The following CD247 variants were observed in gnomAD, a reference collection of about 807,000 sequenced individuals.
CD247 encodes T-cell surface glycoprotein CD3 zeta chain.
A neutral mutation model predicts 30.0 loss-of-function variants in CD247; 13 were observed. That is an observed-to-expected ratio of 0.43 (90% CI 0.28 to 0.69). The LOEUF is 0.69. Ranked by LOEUF, CD247 falls within the 30% of genes least tolerant of loss-of-function variation. CD247 has a pLI of 0.16. For synonymous variants in CD247, 72 were observed against 80.0 expected (o/e 0.90, Z 0.53); for missense variants, 193 against 212.6 (o/e 0.91, Z 0.57).
intron 1 of CD247, among the ~76,000 whole-genome samples, chr1:167,467,120 G>A (rs985326638): frequency 1.3e-5 from 2 of 152,028 alleles, no homozygotes; most frequent in African/African-American, 4.8e-5. Flanking sequence ...TTACAGGCGT[G>A]AGCCACCGCG....
chr1:167,498,848 G>C (rs748096467), intron 1 of CD247, among the ~76,000 whole-genome samples: 1 of 152,148 alleles, frequency 6.6e-6, no homozygotes, highest in Non-Finnish European at 1.5e-5. Flanking sequence ...GCGGACACAA[G>C]AGGCACTTGC....
intron 1 of CD247, among the ~76,000 whole-genome samples, chr1:167,443,096 T>A (rs1411433125): frequency 6.6e-6 from 1 of 152,152 alleles, no homozygotes; most frequent in Non-Finnish European, 1.5e-5. Flanking sequence ...TCCCACCACC[T>A]GAGCCCCTGA....
At chr1:167,492,274 C>A (rs956739235) in intron 1 of CD247, among the ~76,000 whole-genome samples, 2 of 152,110 alleles carry the variant, frequency 1.3e-5, no homozygotes. Flanking sequence ...TGTGAAGGAC[C>A]AGGAGAGCCG....
intron 1 of CD247, among the ~76,000 whole-genome samples, chr1:167,496,602 C>T (rs556252060): frequency 2.1e-4 from 32 of 152,272 alleles, no homozygotes; most frequent in Admixed American, 1.3e-3. Flanking sequence ...GGAACCTAGA[C>T]GATCTCTGGC....
chr1:167,431,311 G>A lies in CD247; in HGVS notation c.*370C>T, dbSNP rs954275542. On this transcript the variant is annotated 3_prime_UTR_variant, in exon 8 of 8. Transcript: ENST00000362089. ...GACACAGAGTGATACAGACATTAGGGCATGTGCTAGCATCTGCGCTTTCTC... is the reference window on the plus strand; with the variant it reads ...GACACAGAGTGATACAGACATTAGGACATGTGCTAGCATCTGCGCTTTCTC... The A allele has an allele frequency of 5.2e-6, 3 of 582,014 alleles. No individual in the cohort carries two copies. In the African/African-American group the frequency reaches 5.6e-5, roughly 11 times the overall value. 36.1% of individuals were successfully genotyped at this position (582,014 alleles called of 1,614,324 possible). A position where few individuals can be genotyped will look rare whatever the true frequency, so the allele number is the denominator to read the frequency against.
chr1:167,507,832 T>A (rs1027058354), intron 1 of CD247, among the ~76,000 whole-genome samples: 2 of 120,164 alleles, frequency 1.7e-5, no homozygotes, highest in East Asian at 6.2e-4. Context: ...GGAGACCCTA[T>A]CTTAAAAAAA....
chr1:167,482,488 C>T (rs188785514), intron 1 of CD247, among the ~76,000 whole-genome samples: 3 of 152,362 alleles, frequency 2.0e-5, no homozygotes, highest in Non-Finnish European at 4.4e-5. Context: ...TCCAAACACA[C>T]TTCTGCACTA....
chr1:167,450,462 C>A (rs1167619484), intron 1 of CD247, among the ~76,000 whole-genome samples: 8 of 151,894 alleles, frequency 5.3e-5, no homozygotes, highest in Non-Finnish European at 1.0e-4. Flanking sequence ...TCACTGCACT[C>A]CAGCCTGGTT....
chr1:167,440,558 G>A (rs1651779195), intron 2 of CD247, 106 bp downstream of exon 2: 1 of 754,674 alleles, frequency 1.3e-6, no homozygotes, highest in South Asian at 1.5e-5. Flanking sequence ...TGGATACCAA[G>A]CCCCAGGCAC....
At chr1:167,504,529 T>C (rs1655039118) in intron 1 of CD247, among the ~76,000 whole-genome samples, 1 of 152,242 alleles carries the variant, frequency 6.6e-6, no homozygotes, top group African/African-American at 2.4e-5. Flanking sequence ...TTTTCTCTCA[T>C]TGGTTTTAGT....
Position 167,430,877 on chromosome 1 carries a change from T to C in CD247, c.*804A>G. 2.5e-6 allele frequency: 1 copy of C among 398,818 alleles called. No individual in the cohort carries two copies. The highest frequency in any genetic ancestry group is 3.6e-5 in the East Asian group (1 of 28,078). The allele number at this position is 398,818 out of a possible 1,614,324, so 24.7% of individuals were successfully genotyped here. ...TGCGAGGCCTTCACAAAGATGATTT[T>C]GTCATTCGCTGAAAGCGTGAAGTGA... is the stretch of plus-strand genomic sequence containing the variant. On this transcript the variant is annotated 3_prime_UTR_variant, in exon 8 of 8. Transcript: ENST00000362089.
intron 1 of CD247, among the ~76,000 whole-genome samples, chr1:167,462,146 G>C (rs1331701658): frequency 1.3e-5 from 2 of 152,164 alleles, no homozygotes; most frequent in Non-Finnish European, 1.5e-5. Context: ...TGGAGCCCAG[G>C]CCCTCTCCCC....
At chr1:167,456,911 C>CG (rs1314510609) in intron 1 of CD247, among the ~76,000 whole-genome samples, 1 of 152,178 alleles carries the variant, frequency 6.6e-6, no homozygotes, top group Non-Finnish European at 1.5e-5. Flanking sequence ...TGTACTCTCT[C>CG]GGGGACATCA....
chr1:167,478,017 G>A lies in CD247; in HGVS notation c.59-37250C>T, dbSNP rs35693647. On this transcript the variant is annotated intron_variant, in intron 1 of 7. Transcript: ENST00000362089. Reference sequence around the variant, plus strand: ...GGATGTCATGAAAGTTCTCAGCCCAGCTGAGCTAAAGCCCTTGGCAACTCT... The same window carrying A: ...GGATGTCATGAAAGTTCTCAGCCCAACTGAGCTAAAGCCCTTGGCAACTCT... Among the ~76,000 whole-genome samples, 693 of 152,342 alleles carry A rather than the reference G, an allele frequency of 4.5e-3. 7 individuals carry two copies. Among genetic ancestry groups the A allele is most frequent in the African/African-American group, 0.015 (625 of 41,578 alleles).
At chr1:167,477,729 A>G (rs957501429) in intron 1 of CD247, among the ~76,000 whole-genome samples, 5 of 152,110 alleles carry the variant, frequency 3.3e-5, no homozygotes, top group Non-Finnish European at 5.9e-5. Context: ...GAGTTTTACT[A>G]TGTTGGCCAG....
At chr1:167,480,508 A>G (rs986717485) in intron 1 of CD247, among the ~76,000 whole-genome samples, 1 of 152,076 alleles carries the variant, frequency 6.6e-6, no homozygotes, top group African/African-American at 2.4e-5. Flanking sequence ...AGCTAACAAG[A>G]TCTCTTCCAG....
At chr1:167,435,677 GC>G (rs1442330382) in intron 4 of CD247, among the ~76,000 whole-genome samples, 2 of 152,236 alleles carry the variant, frequency 1.3e-5, no homozygotes, top group Non-Finnish European at 2.9e-5. Flanking sequence ...GCCCACCCAA[GC>G]CCAGCATTGC....
intron 1 of CD247, among the ~76,000 whole-genome samples, chr1:167,491,763 C>T (rs1654459861): frequency 6.6e-6 from 1 of 152,108 alleles, no homozygotes; most frequent in Non-Finnish European, 1.5e-5. Context: ...GCGGCAGATG[C>T]ATACAGTGGA....
At chr1:167,445,635 C>T (rs840012) in intron 1 of CD247, among the ~76,000 whole-genome samples, 41,565 of 151,844 alleles carry the variant, frequency 0.27, 7,136 homozygotes, top group Middle Eastern at 0.43. Flanking sequence ...CTGGGGGAGA[C>T]GCACCTATCC....
Sources: allele counts gnomAD v4.1 joint callset (sites outside exome capture counted in the v4.1 genomes callset), GRCh38; gene constraint gnomAD v4.1.1; transcripts MANE v1.5; gene names NCBI Gene and HGNC (gene_info 2026-07-23, HGNC 2026-07-21).